PKN2: variants seen among roughly 807,000 people sequenced by gnomAD.
PKN2 encodes the protein serine/threonine-protein kinase N2.
In PKN2, 38 loss-of-function variants were observed where a neutral mutation model predicts 119.1. That is an observed-to-expected ratio of 0.32 (90% CI 0.25 to 0.42). The LOEUF is 0.42. PKN2 is among the 10% of genes least tolerant of loss of function. PKN2 has a pLI of 1.00. For synonymous variants in PKN2, 390 were observed against 384.9 expected, an observed-to-expected ratio of 1.01 and a Z score of -0.15; for missense variants, 850 against 1,165.1, an observed-to-expected ratio of 0.73 and a Z score of 3.94.
intron 2 of PKN2, among the ~76,000 whole-genome samples, chr1:88,741,972 G>A (rs935735744): frequency 3.3e-5 from 5 of 151,804 alleles, no homozygotes; most frequent in African/African-American, 1.2e-4. Context: ...TTCTTAGACC[G>A]TCTCCTTAAA....
chr1:88,715,322 G>T (rs1667402817), intron 1 of PKN2, among the ~76,000 whole-genome samples: 1 of 152,146 alleles, frequency 6.6e-6, no homozygotes, highest in South Asian at 2.1e-4. Flanking sequence ...CTATTGATTG[G>T]AATAGTTTCA....
intron 2 of PKN2, among the ~76,000 whole-genome samples, chr1:88,755,523 T>C (rs1051658742): frequency 1.3e-5 from 2 of 152,228 alleles, no homozygotes; most frequent in African/African-American, 4.8e-5. Flanking sequence ...TGAAGTTACA[T>C]TGCAAACCTT....
intron 19 of PKN2, among the ~76,000 whole-genome samples, chr1:88,829,661 G>C: frequency 6.6e-6 from 1 of 152,244 alleles, no homozygotes; most frequent in Non-Finnish European, 1.5e-5. Context: ...AATTGGGAAA[G>C]AGTAAATCTT....
intron 2 of PKN2, among the ~76,000 whole-genome samples, chr1:88,759,963 A>G (rs1266820257): frequency 6.6e-6 from 1 of 152,160 alleles, no homozygotes; most frequent in African/African-American, 2.4e-5. Context: ...ACAATCATCT[A>G]ACTGAGTTTC....
chr1:88,730,164 C>CAA (rs796401782), intron 1 of PKN2, among the ~76,000 whole-genome samples: 14 of 115,618 alleles, frequency 1.2e-4, no homozygotes, highest in South Asian at 2.8e-4. Flanking sequence ...GACTCCGTCT[C>CAA]AAAAAAAAAA....
In PKN2 at chr1:88,786,198, A is replaced by C. The variant is rs1213002071; in HGVS notation, c.1266A>C (p.Thr422=). 2 of 1,572,112 alleles carry C rather than the reference A, an allele frequency of 1.3e-6. No individual in the cohort carries two copies. Among genetic ancestry groups the C allele is most frequent in the Non-Finnish European group, 1.8e-6 (2 of 1,141,898 alleles). ...ISNQSWDQKF[T]LELDRSRELE... is the part of the protein sequence containing the mutation. ...ATCAGTCATGGGACCAGAAGTTTAC[A>C]CTGGAACTGGACAGGGTAAGAGGAC... The change falls in exon 8 of 22, where the codon ACA becomes ACC. Residue 422 remains threonine, a synonymous_variant. Transcript: ENST00000370521.
intron 1 of PKN2, among the ~76,000 whole-genome samples, chr1:88,686,986 A>G (rs1415022903): frequency 6.6e-6 from 1 of 152,130 alleles, no homozygotes; most frequent in East Asian, 1.9e-4. Flanking sequence ...TTACTTTGCT[A>G]TGTATCCTGT....
rs544647907 is a variant in PKN2 at position 88,776,967 on chromosome 1, CT to C, written c.985+5091del. Reference sequence around the variant, plus strand: ...TTGAGCTTGATGTGTAGGTTCTTGTCTTTCATCAGATTTGGGAAGTTTCCAA... The same window carrying C: ...TTGAGCTTGATGTGTAGGTTCTTGTCTTCATCAGATTTGGGAAGTTTCCAA... On this transcript the variant is annotated intron_variant, in intron 6 of 21. Coordinates refer to ENST00000370521, the MANE Select transcript of PKN2 (RefSeq NM_006256.4). Among the ~76,000 whole-genome samples the C allele has an allele frequency of 4.3e-3, 648 of 152,128 alleles. 6 individuals carry two copies. Among genetic ancestry groups the C allele is most frequent in the South Asian group, 0.011 (51 of 4,820 alleles).
chr1:88,768,774 T>C (rs995985973), intron 3 of PKN2, among the ~76,000 whole-genome samples: 4 of 152,196 alleles, frequency 2.6e-5, no homozygotes, highest in African/African-American at 9.7e-5. Flanking sequence ...TGTGTTGCTG[T>C]AAAGGAATAT....
At chr1:88,813,440 G>T in intron 15 of PKN2, 117 bp from the exon 16 acceptor site, 2 of 671,882 alleles carry the variant, frequency 3.0e-6, no homozygotes, top group Middle Eastern at 4.1e-4. Flanking sequence ...CACATGTTAG[G>T]ATTTTTAAGT....
chr1:88,779,148 C>T (rs1372894231), intron 6 of PKN2, among the ~76,000 whole-genome samples: 2 of 152,206 alleles, frequency 1.3e-5, no homozygotes, highest in Non-Finnish European at 2.9e-5. Context: ...TCCCTCCTTA[C>T]AGCAGGCTGC....
chr1:88,822,032 G>A, intron 17 of PKN2, 29 bp downstream of exon 17: 2 of 1,466,976 alleles, frequency 1.4e-6, no homozygotes, highest in Non-Finnish European at 9.1e-7. Flanking sequence ...TTTTCTAATG[G>A]CTTGCTTTGG....
intron 2 of PKN2, among the ~76,000 whole-genome samples, chr1:88,747,662 C>G (rs1175269274): frequency 6.6e-6 from 1 of 152,020 alleles, no homozygotes; most frequent in African/African-American, 2.4e-5. Context: ...TGTATAGTCT[C>G]TGTTTTCATT....
At chr1:88,820,758 C>T (rs750236305) in intron 16 of PKN2, among the ~76,000 whole-genome samples, 15 of 151,924 alleles carry the variant, frequency 9.9e-5, no homozygotes, top group East Asian at 1.9e-4. Context: ...AAGCATATTA[C>T]GTTTTATAGA....
At chr1:88,736,264 A>T (rs1668344528) in intron 1 of PKN2, among the ~76,000 whole-genome samples, 1 of 151,994 alleles carries the variant, frequency 6.6e-6, no homozygotes, top group Non-Finnish European at 1.5e-5. Context: ...AGCTCTTTTG[A>T]ATTCTCTGAG....
chr1:88,819,238 A>T (rs1319464223), intron 16 of PKN2, among the ~76,000 whole-genome samples: 3 of 152,122 alleles, frequency 2.0e-5, no homozygotes, highest in Admixed American at 6.5e-5. Flanking sequence ...GTGAACAGGC[A>T]ACCTACAGAA....
chr1:88,763,685 C>T (rs1669540900), intron 3 of PKN2, among the ~76,000 whole-genome samples: 2 of 151,448 alleles, frequency 1.3e-5, no homozygotes, highest in Admixed American at 6.6e-5. Context: ...TTTATGCAAG[C>T]AGTAAGTTTA....
At chr1:88,779,575 C>CT (rs1670248488) in intron 6 of PKN2, among the ~76,000 whole-genome samples, 1 of 151,818 alleles carries the variant, frequency 6.6e-6, no homozygotes, top group African/African-American at 2.4e-5. Flanking sequence ...ACAAAGGCTT[C>CT]TTTTTTATGG....
Position 88,811,864 on chromosome 1 carries a change from T to G in PKN2, c.2103-1693T>G, listed in dbSNP as rs564247416. On this transcript the variant is annotated intron_variant, in intron 15 of 21. Coordinates refer to ENST00000370521, the MANE Select transcript of PKN2 (RefSeq NM_006256.4). ...TGACATTTGTGTTGCACTTTCACTT[T>G]GACCCCTTTATTTGATTCCTGTCAT... Among the ~76,000 whole-genome samples, 41 of 152,354 alleles carry G rather than the reference T, an allele frequency of 2.7e-4. 1 individual carries two copies. The highest frequency in any genetic ancestry group is 2.0e-3 in the Admixed American group (31 of 15,302).
Sources: allele counts gnomAD v4.1 joint callset (sites outside exome capture counted in the v4.1 genomes callset), GRCh38; gene constraint gnomAD v4.1.1; transcripts MANE v1.5; gene names NCBI Gene and HGNC (gene_info 2026-07-23, HGNC 2026-07-21).